Variants in TEX14 observed in about 807,000 individuals in gnomAD.
TEX14 encodes testis expressed 14, intercellular bridge forming factor.
TEX14 carries 168 observed loss-of-function variants against 178.6 expected under a neutral mutation model. The observed-to-expected ratio is 0.94, with a 90% CI of 0.83 to 1.07. The LOEUF (loss-of-function observed/expected upper bound fraction) is 1.07, where lower values mean the gene tolerates loss of function less well. TEX14 is among the 50% of genes least tolerant of loss of function. TEX14 has a pLI of 0.00. For synonymous variants in TEX14, 626 were observed against 634.1 expected (o/e 0.99, Z 0.19); for missense variants, 1,730 against 1,753.6 (o/e 0.99, Z 0.24).
chr17:58,570,541 T>C, intron 24 of TEX14, 57 bp from the exon 25 acceptor site: 3 of 1,228,944 alleles, frequency 2.4e-6, no homozygotes, highest in South Asian at 3.1e-5. Context: ...AAAAGGCATA[T>C]GCAGCTCAGT....
intron 1 of TEX14, among the ~76,000 whole-genome samples, chr17:58,686,785 G>T (rs1320935594): frequency 6.7e-6 from 1 of 148,728 alleles, no homozygotes; most frequent in African/African-American, 2.5e-5. Context: ...CCTTTATTCA[G>T]AGGTTTTTCT....
chr17:58,581,318 A>T (rs533198322), intron 19 of TEX14, among the ~76,000 whole-genome samples: 10 of 142,792 alleles, frequency 7.0e-5, no homozygotes, highest in Middle Eastern at 3.7e-3. Context: ...CTCAAAAATT[A>T]AAAAAAAAAA....
intron 3 of TEX14, among the ~76,000 whole-genome samples, chr17:58,626,250 C>T (rs1166389418): frequency 6.6e-6 from 1 of 152,088 alleles, no homozygotes; most frequent in Non-Finnish European, 1.5e-5. Context: ...TCCATCACAG[C>T]GTTTCCACTG....
intron 1 of TEX14, among the ~76,000 whole-genome samples, chr17:58,665,184 G>A (rs2047183533): frequency 6.6e-6 from 1 of 151,996 alleles, no homozygotes; most frequent in South Asian, 2.1e-4. Context: ...TAGAGATAGG[G>A]TCTCGCTATG....
chr17:58,621,821 C>T, intron 4 of TEX14, 35 bp from the exon 5 acceptor site: 1 of 1,584,632 alleles, frequency 6.3e-7, no homozygotes, highest in Non-Finnish European at 8.6e-7. Flanking sequence ...AGTGCGGGCG[C>T]ACCAGTTCTC....
chr17:58,688,795 A>G (rs1267240006), intron 1 of TEX14, among the ~76,000 whole-genome samples: 1 of 152,154 alleles, frequency 6.6e-6, no homozygotes, highest in African/African-American at 2.4e-5. Context: ...AAGAAAAACC[A>G]AAACATATTC....
chr17:58,635,404 A>G (rs537886430), intron 2 of TEX14, among the ~76,000 whole-genome samples: 23 of 151,108 alleles, frequency 1.5e-4, no homozygotes, highest in African/African-American at 5.3e-4. Context: ...AATTAAATCA[A>G]CCAAGGCCTC....
rs2045572872 is a variant in TEX14 at position 58,605,050 on chromosome 17, T to A, written c.1264A>T (p.Ile422Phe). 7 of 1,614,058 alleles carry A rather than the reference T, an allele frequency of 4.3e-6. No individual in the cohort carries two copies. Among genetic ancestry groups the A allele is most frequent in the Non-Finnish European group, 5.1e-6 (6 of 1,180,032 alleles). The change falls in exon 11 of 32, where the codon ATC (isoleucine) becomes TTC (phenylalanine). Residue 422 changes from isoleucine (I) to phenylalanine (F), a missense_variant. Physicochemically the swap from Ile to Phe is conservative, Grantham distance 21. Coordinates refer to ENST00000349033, the MANE Select transcript of TEX14 (RefSeq NM_031272.5). ...QLYNWAAPEV[I>F]LQKAATVKSD... is the part of the protein sequence containing the mutation. Reference sequence around the variant, plus strand: ...TTCACTGTGGCTGCCTTCTGTAAGATCACTTCTGGTGCGGCCCAGTTGTAT... The same window carrying A: ...TTCACTGTGGCTGCCTTCTGTAAGAACACTTCTGGTGCGGCCCAGTTGTAT...
intron 18 of TEX14, 76 bp from the exon 19 acceptor site, chr17:58,584,676 T>C: frequency 8.3e-7 from 1 of 1,200,934 alleles, no homozygotes; most frequent in East Asian, 2.3e-5. Flanking sequence ...AAAGGTGGCA[T>C]GAAAGAAGAG....
At chr17:58,660,194 C>A (rs938008222) in intron 1 of TEX14, among the ~76,000 whole-genome samples, 2 of 150,920 alleles carry the variant, frequency 1.3e-5, no homozygotes, top group Admixed American at 6.6e-5. Flanking sequence ...CACCTGAGGT[C>A]AGGAGCTCAA....
chr17:58,599,402 G>C lies in TEX14; in HGVS notation c.1943C>G (p.Ala648Gly), dbSNP rs757243183. The change falls in exon 14 of 32, where the codon GCA (alanine) becomes GGA (glycine). Residue 648 changes from alanine to glycine, a missense_variant. Coordinates refer to ENST00000349033, the MANE Select transcript of TEX14 (RefSeq NM_031272.5). ...EPPGAASSLE[A>G]DGPNQVDELK... ...TTCATCTACCTGGTTAGGTCCGTCT[G>C]CCTCCAAAGATGAAGCAGCTCCTGG... is the stretch of plus-strand genomic sequence containing the variant. 4.3e-6 allele frequency: 7 copies of C among 1,614,164 alleles called. No individual in the cohort carries two copies. In the South Asian group the frequency reaches 7.7e-5, roughly 18 times the overall value.
chr17:58,652,081 A>G, intron 1 of TEX14, 79 bp from the exon 2 acceptor site: 1 of 1,159,788 alleles, frequency 8.6e-7, no homozygotes, highest in African/African-American at 1.6e-5. Context: ...TTACATTTAG[A>G]AACCTGTCCA....
At chr17:58,573,419 A>G in intron 22 of TEX14, 111 bp from the exon 23 acceptor site, 1 of 909,926 alleles carries the variant, frequency 1.1e-6, no homozygotes, top group Admixed American at 2.2e-5. Flanking sequence ...TGTATGTGGC[A>G]ATAGGCCAGA....
At chr17:58,582,001 C>A (rs981057466) in intron 19 of TEX14, among the ~76,000 whole-genome samples, 1 of 151,958 alleles carries the variant, frequency 6.6e-6, no homozygotes, top group African/African-American at 2.4e-5. Context: ...ATGAGGTGAC[C>A]GTCCTATTCT....
rs146254302 is a variant in TEX14 at position 58,611,189 on chromosome 17, G to A, written c.1156C>T (p.Leu386=). Residue 386 remains leucine (L), a synonymous_variant, in exon 10 of 32, where the codon CTG becomes TTG. Coordinates refer to ENST00000349033, the MANE Select transcript of TEX14 (RefSeq NM_031272.5). ...VHIISPGEAR[L]TNLEYMLESE... ...TCCAACATGTACTCCAGGTTGGTCA[G>A]CCTCGCTTCACCTGGGGAGATGATA... 4.3e-6 allele frequency: 7 copies of A among 1,613,874 alleles called. No homozygotes were observed. Among genetic ancestry groups the A allele is most frequent in the Non-Finnish European group, 5.9e-6 (7 of 1,179,920 alleles).
In TEX14 at chr17:58,575,114, T is replaced by G. The variant is rs955361251; in HGVS notation, c.3321-865A>C. 3.8e-4 allele frequency among the ~76,000 whole-genome samples: 39 copies of G among 103,416 alleles called. No homozygotes were observed. The East Asian group carries it at 0.012, about 31-fold the overall frequency. 67.8% of individuals were successfully genotyped at this position (103,416 alleles called of 152,430 possible). A position where few individuals can be genotyped will look rare whatever the true frequency, so the allele number is the denominator to read the frequency against. On this transcript the variant is annotated intron_variant, in intron 21 of 31. Transcript: ENST00000349033. ...ATGCTAAATCCTTCCATGTTTTCACTTTTTTTTTTTTTTTTTTGAGATGGA... is the reference window on the plus strand; with the variant it reads ...ATGCTAAATCCTTCCATGTTTTCACGTTTTTTTTTTTTTTTTTGAGATGGA...
At chr17:58,584,281 A>G (rs577522263) in intron 19 of TEX14, among the ~76,000 whole-genome samples, 3 of 152,322 alleles carry the variant, frequency 2.0e-5, no homozygotes, top group South Asian at 2.1e-4. Context: ...TACTCTCCCA[A>G]TCTCCAGGAT....
Position 58,671,500 on chromosome 17 carries a change from T to C in TEX14, c.-1-19498A>G, listed in dbSNP as rs955091403. Among the ~76,000 whole-genome samples the C allele has an allele frequency of 5.9e-5, 9 of 152,120 alleles. No individual in the cohort carries two copies. The East Asian group carries it at 1.7e-3, about 29-fold the overall frequency. On this transcript the variant is annotated intron_variant, in intron 1 of 31. Coordinates refer to ENST00000349033, the MANE Select transcript of TEX14 (RefSeq NM_031272.5). ...CTCAGAACTGAGAGTGTTCTTCTCC[T>C]GGGGTCGCAGCTTTATAGAATGAGG...
At chr17:58,682,056 G>A (rs1202385460) in intron 1 of TEX14, among the ~76,000 whole-genome samples, 1 of 151,882 alleles carries the variant, frequency 6.6e-6, no homozygotes, top group South Asian at 2.1e-4. Flanking sequence ...TGACCCCCAG[G>A]GGTCAAGTGA....
Sources: allele counts gnomAD v4.1 joint callset (sites outside exome capture counted in the v4.1 genomes callset), GRCh38; gene constraint gnomAD v4.1.1; transcripts MANE v1.5; gene names NCBI Gene and HGNC (gene_info 2026-07-23, HGNC 2026-07-21).